CELF2: variants seen among roughly 807,000 people sequenced by gnomAD.
The protein encoded by CELF2 is CUG triplet repeat RNA-binding protein 2.
A neutral mutation model predicts 62.6 loss-of-function variants in CELF2; 8 were observed. The observed-to-expected ratio is 0.13, with a 90% CI of 0.07 to 0.23. The LOEUF (loss-of-function observed/expected upper bound fraction) is 0.23, where lower values mean the gene tolerates loss of function less well. CELF2 is among the 10% of genes least tolerant of loss of function. The pLI, the probability that CELF2 is intolerant of heterozygous loss-of-function variation, is 1.00. For missense variants in CELF2, 333 were observed against 671.0 expected (o/e 0.50, Z 5.56); for synonymous variants, 258 against 250.0 (o/e 1.03, Z -0.30).
chr10:10,696,537 C>T, the CELF2 span, among the ~76,000 whole-genome samples: 3,445 of 149,990 alleles, frequency 0.023, 137 homozygotes, highest in African/African-American at 0.08. Flanking sequence ...CCACCCAGTT[C>T]GAGCTTCCCT....
At chr10:11,019,927 ATTTTGAATTTATG>A (rs1364515776) in intron 1 of CELF2, among the ~76,000 whole-genome samples, 69 of 152,308 alleles carry the variant, frequency 4.5e-4, no homozygotes, top group Non-Finnish European at 8.8e-4. Flanking sequence ...CCTAATCATG[ATTTTGAATTTATG>A]GTCACCTGCT....
chr10:11,058,361 T>A (rs2065824004), intron 1 of CELF2, among the ~76,000 whole-genome samples: 1 of 152,178 alleles, frequency 6.6e-6, no homozygotes, highest in African/African-American at 2.4e-5. Context: ...CTTCTGGCTT[T>A]AAGAGTTTTA....
At chr10:10,554,456 CTG>C in the CELF2 span, among the ~76,000 whole-genome samples, 716 of 152,290 alleles carry the variant, frequency 4.7e-3, 9 homozygotes, top group African/African-American at 0.017. Context: ...CTACTTCCAG[CTG>C]TGTTTGACCA....
the CELF2 span, among the ~76,000 whole-genome samples, chr10:10,620,998 C>G: frequency 6.8e-6 from 1 of 146,450 alleles, no homozygotes; most frequent in East Asian, 2.0e-4. Context: ...CCGAGGCGGG[C>G]AGATCAAGAG....
chr10:10,754,549 T>G, the CELF2 span, among the ~76,000 whole-genome samples: 1 of 152,192 alleles, frequency 6.6e-6, no homozygotes, highest in Non-Finnish European at 1.5e-5. Flanking sequence ...GAAGAAGTGG[T>G]TTCTAAGTGA....
chr10:11,069,209 T>C (rs757498412), intron 1 of CELF2, among the ~76,000 whole-genome samples: 5 of 152,200 alleles, frequency 3.3e-5, no homozygotes, highest in Non-Finnish European at 5.9e-5. Context: ...TGTTTTTATG[T>C]AAATTAAAAA....
At chr10:10,953,221 A>C (rs2048515163) in intron 2 of CELF2, among the ~76,000 whole-genome samples, 1 of 152,232 alleles carries the variant, frequency 6.6e-6, no homozygotes, top group Non-Finnish European at 1.5e-5. Flanking sequence ...GGATGCCCAC[A>C]AAAGAGAATT....
intron 1 of CELF2, among the ~76,000 whole-genome samples, chr10:10,907,360 G>T (rs2063433952): frequency 6.6e-6 from 1 of 152,196 alleles, no homozygotes; most frequent in South Asian, 2.1e-4. Flanking sequence ...CTAATTATTT[G>T]AGACGTTATA....
At chr10:11,042,128 CAGA>C (rs762078688) in intron 1 of CELF2, among the ~76,000 whole-genome samples, 4 of 152,172 alleles carry the variant, frequency 2.6e-5, no homozygotes, top group East Asian at 3.8e-4. Context: ...GTTGATTTGT[CAGA>C]AGATTACCAA....
chr10:10,745,113 T>TA, the CELF2 span, among the ~76,000 whole-genome samples: 475 of 128,196 alleles, frequency 3.7e-3, 1 homozygote, highest in South Asian at 0.015. Flanking sequence ...CCATGCCACG[T>TA]AAAAAAAAAA....
At chr10:10,635,200 T>C in the CELF2 span, among the ~76,000 whole-genome samples, 1 of 152,170 alleles carries the variant, frequency 6.6e-6, no homozygotes, top group South Asian at 2.1e-4. Context: ...AGTTAGCACA[T>C]CATTTGTCCA....
chr10:11,315,399 G>A lies in CELF2; in HGVS notation c.1096+1141G>A, dbSNP rs1301598267. On this transcript the variant is annotated intron_variant, in intron 10 of 12. Transcript: ENST00000633077. The surrounding 1 kb of genome is among the most constrained non-coding windows in gnomAD (Gnocchi z 5.8). ...AATAAGTGGACTGTTTTTAAAGGGT[G>A]ACCAGGCAGTATACTTTTTTAAAGC... 6.6e-6 allele frequency among the ~76,000 whole-genome samples: 1 copy of A among 152,188 alleles called. No homozygotes were observed. The highest frequency in any genetic ancestry group is 1.5e-5 in the Non-Finnish European group (1 of 68,038).
At chr10:11,146,748 C>G (rs1024341276) in intron 1 of CELF2, among the ~76,000 whole-genome samples, 1 of 152,184 alleles carries the variant, frequency 6.6e-6, no homozygotes, top group African/African-American at 2.4e-5. Flanking sequence ...CCAGAGGCAC[C>G]TTGACTCTCC....
rs889841049 is a variant in CELF2, at chr10:11,300,532, C to T, written c.976+11980C>T. Among the ~76,000 whole-genome samples the T allele has an allele frequency of 1.6e-4, 24 of 152,220 alleles. No individual in the cohort carries two copies. Among genetic ancestry groups the T allele is most frequent in the Admixed American group, 1.0e-3 (16 of 15,290 alleles). ...GTGTCACTTTCCAACCCTACCTCCT[C>T]TTCCTCAGTCACCCCGCCCCTCCCT... On this transcript the variant is annotated intron_variant, in intron 9 of 12. Coordinates refer to ENST00000633077, the MANE Select transcript of CELF2 (RefSeq NM_001326342.2). This position sits in a 1 kb window ranked among gnomAD's most constrained non-coding sequence, Gnocchi z 5.5.
chr10:11,241,694 C>T (rs550887723), intron 3 of CELF2, among the ~76,000 whole-genome samples: 1 of 152,144 alleles, frequency 6.6e-6, no homozygotes, highest in East Asian at 1.9e-4. Flanking sequence ...GATTATTCCC[C>T]ATCTCTGCTA....
At chr10:10,940,426 T>C (rs2046928002) in intron 2 of CELF2, among the ~76,000 whole-genome samples, 1 of 151,776 alleles carries the variant, frequency 6.6e-6, no homozygotes, top group South Asian at 2.1e-4. Context: ...GGGAAAGGAG[T>C]AGTGTGGACT....
At chr10:10,606,524 C>G in the CELF2 span, among the ~76,000 whole-genome samples, 1 of 152,156 alleles carries the variant, frequency 6.6e-6, no homozygotes. Context: ...CACTGCCACT[C>G]TCAAGGCCCT....
the CELF2 span, among the ~76,000 whole-genome samples, chr10:10,709,418 C>T: frequency 6.6e-6 from 1 of 152,150 alleles, no homozygotes; most frequent in Non-Finnish European, 1.5e-5. Context: ...TTTTTAATCT[C>T]CCTCCTTCCT....
In CELF2 at chr10:10,934,625, T is replaced by C. The variant is rs1032946251; in HGVS notation, c.89+14626T>C. On this transcript the variant is annotated intron_variant, in intron 2 of 13. Transcript: ENST00000636488. This position sits in a 1 kb window ranked among gnomAD's most constrained non-coding sequence, Gnocchi z 4.4. ...CATTTCCAGTTTAGGAATGTCCTAGTATCATGAACAAAAACTAGGGATGTC... is the reference window on the plus strand; with the variant it reads ...CATTTCCAGTTTAGGAATGTCCTAGCATCATGAACAAAAACTAGGGATGTC... 3 of 152,216 alleles carry C rather than the reference T, an allele frequency of 2.0e-5. No individual in the cohort carries two copies. The highest frequency in any genetic ancestry group is 2.9e-5 in the Non-Finnish European group (2 of 68,044). 9.4% of individuals were successfully genotyped at this position (152,216 alleles called of 1,614,324 possible).
Sources: gnomAD v4.1 joint callset for allele counts (sites outside exome capture counted in the v4.1 genomes callset) on GRCh38, gnomAD v4.1.1 for gene constraint, Gnocchi (gnomAD v3.1) non-coding constraint, MANE v1.5 for transcripts, NCBI Gene and HGNC (gene_info 2026-07-23, HGNC 2026-07-21) for gene names.